Variants in CCDC171 observed in about 807,000 individuals in gnomAD.
CCDC171 encodes the protein coiled-coil domain containing 171, also known as coiled-coil domain-containing protein 171.
A neutral mutation model predicts 168.2 loss-of-function variants in CCDC171; 177 were observed. The ratio of observed to expected loss-of-function variants is 1.05; its 90% CI spans 0.93 to 1.19. The LOEUF (loss-of-function observed/expected upper bound fraction) is 1.19, where lower values mean the gene tolerates loss of function less well. Ranked by LOEUF, CCDC171 falls within the 50% of genes most tolerant of loss-of-function variation. CCDC171 has a pLI of 0.00. For synonymous variants in CCDC171, 687 were observed against 540.8 expected (o/e 1.27, Z -3.75); for missense variants, 1,991 against 1,539.0 (o/e 1.29, Z -4.91).
chr9:15,905,397 C>G (rs1338470192), intron 24 of CCDC171, among the ~76,000 whole-genome samples: 3 of 152,154 alleles, frequency 2.0e-5, no homozygotes, highest in Admixed American at 6.5e-5. Flanking sequence ...TACATGGAAA[C>G]TGAACAACCT....
At chr9:15,900,181 A>G (rs954805263) in intron 24 of CCDC171, among the ~76,000 whole-genome samples, 1 of 152,148 alleles carries the variant, frequency 6.6e-6, no homozygotes, top group African/African-American at 2.4e-5. Flanking sequence ...TGATTAGGTT[A>G]CTCATCAAAA....
At chr9:15,744,223 T>C in intron 16 of CCDC171, 50 bp from the exon 17 acceptor site, 1 of 1,425,032 alleles carries the variant, frequency 7.0e-7, no homozygotes, top group Non-Finnish European at 9.4e-7. Context: ...GAAATTAATA[T>C]AATGCCTGTT....
chr9:15,807,882 A>G (rs1473226630), intron 21 of CCDC171, among the ~76,000 whole-genome samples: 1 of 151,100 alleles, frequency 6.6e-6, no homozygotes, highest in Non-Finnish European at 1.5e-5. Flanking sequence ...GGTCCAAAAT[A>G]TGCCTCCAGG....
At chr9:15,957,929 C>A (rs950243392) in intron 25 of CCDC171, among the ~76,000 whole-genome samples, 1 of 151,824 alleles carries the variant, frequency 6.6e-6, no homozygotes, top group Non-Finnish European at 1.5e-5. Context: ...TAGAAAGGAA[C>A]GGTAAGTTCC....
In CCDC171 at chr9:15,967,537, T is replaced by G. The variant is rs144529528; in HGVS notation, c.3754-4072T>G. ...ATATTCAGGAAACTGATTTCTGGGT[T>G]AATGTCCCTCAAAAAAGTTAGGGTT... On this transcript the variant is annotated intron_variant, in intron 25 of 25. Transcript: ENST00000380701. Among the ~76,000 whole-genome samples the G allele has an allele frequency of 2.6e-5, 4 of 152,318 alleles. No homozygotes were observed. In the East Asian group the frequency reaches 7.7e-4, roughly 29 times the overall value.
the CCDC171 span, among the ~76,000 whole-genome samples, chr9:16,073,596 T>C: frequency 6.6e-6 from 1 of 152,222 alleles, no homozygotes. Flanking sequence ...ATAAACCATT[T>C]ATATTTATAT....
At chr9:15,680,069 G>A (rs1389605191) in intron 10 of CCDC171, among the ~76,000 whole-genome samples, 1 of 151,992 alleles carries the variant, frequency 6.6e-6, no homozygotes, top group Non-Finnish European at 1.5e-5. Flanking sequence ...TATTTCTTTA[G>A]TACTTAGTTC....
chr9:15,810,754 C>T (rs563340221), intron 21 of CCDC171, among the ~76,000 whole-genome samples: 11 of 152,322 alleles, frequency 7.2e-5, no homozygotes, highest in East Asian at 1.9e-4. Context: ...GTGAGTGCTG[C>T]GCGCAGCCCT....
At chr9:15,612,203 CA>C (rs1166892677) in intron 6 of CCDC171, among the ~76,000 whole-genome samples, 1 of 152,182 alleles carries the variant, frequency 6.6e-6, no homozygotes. Context: ...TGGACTAAGA[CA>C]TTGTGCCTCC....
chr9:15,723,902 G>C (rs1005579544), intron 13 of CCDC171, among the ~76,000 whole-genome samples, 156 bp downstream of exon 13: 2 of 151,968 alleles, frequency 1.3e-5, no homozygotes, highest in Non-Finnish European at 2.9e-5. Flanking sequence ...TGTTGATTAA[G>C]AGTAACAAGA....
intron 9 of CCDC171, among the ~76,000 whole-genome samples, 185 bp downstream of exon 9, chr9:15,666,508 G>A (rs58107471): frequency 1.3e-5 from 2 of 152,142 alleles, no homozygotes; most frequent in African/African-American, 4.8e-5. Context: ...ATGCTCTTTT[G>A]GATATTGAAG....
chr9:15,695,364 T>C (rs1173794295), intron 11 of CCDC171, 27 bp downstream of exon 11: 2 of 1,541,792 alleles, frequency 1.3e-6, no homozygotes, highest in Non-Finnish European at 1.8e-6. Context: ...AAATGACAGA[T>C]GCATCTGTCA....
intron 21 of CCDC171, among the ~76,000 whole-genome samples, chr9:15,820,418 G>C (rs2059722235): frequency 8.7e-6 from 1 of 114,606 alleles, no homozygotes; most frequent in Non-Finnish European, 1.9e-5. Flanking sequence ...TTTTTGAAAA[G>C]ATCAACAAAA....
At chr9:15,979,436 C>T (rs557251456) in intron 3 of CCDC171, among the ~76,000 whole-genome samples, 1 of 152,088 alleles carries the variant, frequency 6.6e-6, no homozygotes, top group Admixed American at 6.5e-5. Context: ...TCATAGATGC[C>T]CTTTATCAGG....
intron 11 of CCDC171, among the ~76,000 whole-genome samples, chr9:15,710,997 A>C (rs986895825): frequency 1.3e-5 from 2 of 152,058 alleles, no homozygotes; most frequent in Non-Finnish European, 2.9e-5. Context: ...ATTGCATCCC[A>C]TTGTATAGTT....
intron 25 of CCDC171, among the ~76,000 whole-genome samples, chr9:15,935,790 A>T (rs1013914743): frequency 6.6e-6 from 1 of 152,202 alleles, no homozygotes. Context: ...CTGTTGTAAC[A>T]TATTTGAAAA....
intron 18 of CCDC171, among the ~76,000 whole-genome samples, chr9:15,769,689 G>A (rs1036925485): frequency 1.3e-5 from 2 of 152,110 alleles, no homozygotes; most frequent in Non-Finnish European, 2.9e-5. Context: ...AGTCTCCCCC[G>A]TACCAACGGA....
intron 9 of CCDC171, among the ~76,000 whole-genome samples, chr9:15,674,050 A>G (rs936377773): frequency 1.3e-5 from 2 of 152,064 alleles, no homozygotes; most frequent in African/African-American, 4.8e-5. Flanking sequence ...CTATTCAGAG[A>G]TTCAACTTCT....
intron 25 of CCDC171, among the ~76,000 whole-genome samples, chr9:15,928,215 AG>A (rs533050154): frequency 2.0e-5 from 3 of 151,914 alleles, no homozygotes; most frequent in Admixed American, 6.6e-5. Context: ...TAATTAAAAG[AG>A]GGCTGTTAAA....
Sources: allele counts gnomAD v4.1 joint callset (sites outside exome capture counted in the v4.1 genomes callset), GRCh38; gene constraint gnomAD v4.1.1; transcripts MANE v1.5; gene names NCBI Gene and HGNC (gene_info 2026-07-23, HGNC 2026-07-21).